The following SMIM23 variants were observed in gnomAD, a reference collection of about 807,000 sequenced individuals.
SMIM23 encodes the protein small integral membrane protein 23.
SMIM23 carries 10 observed loss-of-function variants against 12.8 expected under a neutral mutation model. The observed-to-expected ratio is 0.78, with a 90% CI of 0.48 to 1.32. The LOEUF (loss-of-function observed/expected upper bound fraction) is 1.32, where lower values mean the gene tolerates loss of function less well. Among genes scored for constraint, SMIM23 ranks in the 40% most tolerant of loss-of-function variants. The probability of loss-of-function intolerance (pLI) is 0.00; values close to 1 mark genes in which losing one functional copy is unlikely to be tolerated. For missense variants in SMIM23, 184 were observed against 198.2 expected (o/e 0.93, Z 0.43); for synonymous variants, 78 against 80.1 (o/e 0.97, Z 0.14).
upstream of SMIM23, among the ~76,000 whole-genome samples, chr5:171,781,601 C>T (rs1755729179): frequency 2.0e-5 from 3 of 151,908 alleles, no homozygotes; most frequent in South Asian, 6.2e-4. Flanking sequence ...TGTCCGTGTC[C>T]TAAACTTACC....
upstream of SMIM23, among the ~76,000 whole-genome samples, chr5:171,778,465 A>T (rs1443949186): frequency 1.4e-5 from 2 of 147,912 alleles, no homozygotes; most frequent in South Asian, 2.2e-4. Flanking sequence ...ACACACACAC[A>T]CACACACACA....
At chr5:171,786,862 T>C (rs1209122103) in intron 1 of SMIM23, among the ~76,000 whole-genome samples, 1 of 152,090 alleles carries the variant, frequency 6.6e-6, no homozygotes, top group Non-Finnish European at 1.5e-5. Context: ...TGGGGAAGGC[T>C]GCATACCCGC....
chr5:171,789,838 C>T (rs917272097), intron 1 of SMIM23, among the ~76,000 whole-genome samples: 2 of 152,164 alleles, frequency 1.3e-5, no homozygotes, highest in African/African-American at 4.8e-5. Flanking sequence ...GACGGAAATG[C>T]TCTACATCTT....
At chr5:171,776,313 C>T in the SMIM23 span, among the ~76,000 whole-genome samples, 1 of 152,324 alleles carries the variant, frequency 6.6e-6, no homozygotes, top group South Asian at 2.1e-4. Flanking sequence ...CCAGGCTCTG[C>T]AGCCCAAGCC....
chr5:171,774,523 C>G, the SMIM23 span: 1 of 456,188 alleles, frequency 2.2e-6, no homozygotes, highest in African/African-American at 2.0e-5. Context: ...TTCAGCAGTC[C>G]CACGCCCCTT....
the SMIM23 span, among the ~76,000 whole-genome samples, chr5:171,775,880 T>TTTGTA: frequency 2.6e-5 from 4 of 152,080 alleles, no homozygotes; most frequent in Non-Finnish European, 5.9e-5. Context: ...TTTGTTTTGT[T>TTTGTA]TTGTTTTTTG....
chr5:171,784,133 A>T (rs1408378795), upstream of SMIM23, among the ~76,000 whole-genome samples: 1 of 152,230 alleles, frequency 6.6e-6, no homozygotes, highest in Non-Finnish European at 1.5e-5. Flanking sequence ...GATGTTAAAC[A>T]TCATTAGCTA....
upstream of SMIM23, among the ~76,000 whole-genome samples, chr5:171,784,271 C>G (rs188579085): frequency 2.3e-3 from 348 of 152,110 alleles, 1 homozygote; most frequent in South Asian, 6.7e-3. Flanking sequence ...TTTGGGAGGC[C>G]GAGGCAAGCG....
chr5:171,782,383 T>C (rs1755743384), upstream of SMIM23: 1 of 152,204 alleles, frequency 6.6e-6, no homozygotes, highest in Non-Finnish European at 1.5e-5. Flanking sequence ...CGAGAAGACG[T>C]TGGAGTTAAA....
upstream of SMIM23, among the ~76,000 whole-genome samples, chr5:171,778,403 CA>C (rs1755673417): frequency 6.6e-6 from 1 of 151,010 alleles, no homozygotes; most frequent in Non-Finnish European, 1.5e-5. Flanking sequence ...CAAAGGGCCC[CA>C]GCATGATCCT....
At chr5:171,784,822 A>G (rs983733248), upstream of SMIM23, among the ~76,000 whole-genome samples, 3 of 152,232 alleles carry the variant, frequency 2.0e-5, no homozygotes, top group Admixed American at 6.5e-5. Flanking sequence ...TATGGCATAC[A>G]CATATCACAA....
At chr5:171,785,402 T>G (rs2879428), upstream of SMIM23, among the ~76,000 whole-genome samples, 39,960 of 124,768 alleles carry the variant, frequency 0.32, 5,455 homozygotes, top group East Asian at 0.4. Context: ...GCTTTTATTG[T>G]TTTTTTTTTT....
At chr5:171,773,807 G>A in the SMIM23 span, 35 of 456,276 alleles carry the variant, frequency 7.7e-5, no homozygotes, top group East Asian at 1.4e-3. Flanking sequence ...AAGAAAAGCC[G>A]TGAAATCTAG....
intron 2 of SMIM23, 32 bp from the exon 3 acceptor site, chr5:171,790,450 C>T (rs1755901082): frequency 2.0e-6 from 3 of 1,534,780 alleles, no homozygotes; most frequent in African/African-American, 1.4e-5. Context: ...TGCTCATTTG[C>T]TCTTCAGAGG....
chr5:171,778,698 A>C (rs1192387012), upstream of SMIM23, among the ~76,000 whole-genome samples: 2 of 152,194 alleles, frequency 1.3e-5, no homozygotes, highest in Non-Finnish European at 2.9e-5. Context: ...CCAGAACTAC[A>C]AAAAATTAAT....
At chr5:171,784,274 G>A (rs552984880), upstream of SMIM23, among the ~76,000 whole-genome samples, 7 of 152,148 alleles carry the variant, frequency 4.6e-5, no homozygotes, top group Non-Finnish European at 8.8e-5. Context: ...GGGAGGCCGA[G>A]GCAAGCGGAT....
chr5:171,774,590 T>C, the SMIM23 span: 1 of 455,908 alleles, frequency 2.2e-6, no homozygotes, highest in African/African-American at 2.0e-5. Context: ...ACACTGTCCC[T>C]ACCCTGCCCT....
chr5:171,776,117 C>T, the SMIM23 span, among the ~76,000 whole-genome samples: 2 of 152,300 alleles, frequency 1.3e-5, no homozygotes, highest in East Asian at 1.9e-4. Context: ...GTGATCCACC[C>T]GCCTTGGCCT....
upstream of SMIM23, among the ~76,000 whole-genome samples, chr5:171,782,242 G>A (rs1755741809): frequency 6.6e-6 from 1 of 152,250 alleles, no homozygotes; most frequent in Admixed American, 6.5e-5. Context: ...CAGGAGGGAA[G>A]ATGGTTATGT....
Sources: allele counts gnomAD v4.1 joint callset (sites outside exome capture counted in the v4.1 genomes callset), GRCh38; gene constraint gnomAD v4.1.1; transcripts MANE v1.5; gene names NCBI Gene and HGNC (gene_info 2026-07-23, HGNC 2026-07-21).